PCDHGA3: variants seen among roughly 807,000 people sequenced by gnomAD.
PCDHGA3 encodes the protein protocadherin gamma subfamily A, 3, also known as protocadherin gamma-A3.
PCDHGA3 carries 40 observed loss-of-function variants against 58.5 expected under a neutral mutation model. The observed-to-expected ratio is 0.68, with a 90% CI of 0.53 to 0.89. PCDHGA3 has a LOEUF of 0.89. Ranked by LOEUF, PCDHGA3 falls within the 40% of genes least tolerant of loss-of-function variation. The pLI, the probability that PCDHGA3 is intolerant of heterozygous loss-of-function variation, is 0.00. For missense variants in PCDHGA3, 1,223 were observed against 1,195.9 expected (o/e 1.02, Z -0.33); for synonymous variants, 530 against 525.7 (o/e 1.01, Z -0.11).
chr5:141,455,149 TTA>T (rs537241375), intron 1 of PCDHGA3, among the ~76,000 whole-genome samples: 1 of 148,248 alleles, frequency 6.7e-6, no homozygotes, highest in Non-Finnish European at 1.5e-5. Context: ...TAAATAAATA[TTA>T]GTTTGTTGGT....
At chr5:141,375,970 G>C in intron 1 of PCDHGA3, 2 of 1,613,334 alleles carry the variant, frequency 1.2e-6, no homozygotes, top group Non-Finnish European at 1.7e-6. Flanking sequence ...TGCGCACGGC[G>C]CGCGCCCTGC....
chr5:141,450,278 G>C (rs977381598), intron 1 of PCDHGA3, among the ~76,000 whole-genome samples: 1 of 152,026 alleles, frequency 6.6e-6, no homozygotes, highest in African/African-American at 2.4e-5. Flanking sequence ...TCAGCTAAGT[G>C]CTGGGATTAC....
chr5:141,450,085 C>T (rs997781052), intron 1 of PCDHGA3, among the ~76,000 whole-genome samples: 3 of 149,208 alleles, frequency 2.0e-5, no homozygotes, highest in Non-Finnish European at 4.4e-5. Context: ...TGGCTCACTG[C>T]AACCTCCGCC....
chr5:141,480,077 C>T (rs767048249), intron 1 of PCDHGA3, among the ~76,000 whole-genome samples: 2 of 152,142 alleles, frequency 1.3e-5, no homozygotes, highest in Non-Finnish European at 2.9e-5. Flanking sequence ...AAGATTCATG[C>T]ATGATATAAT....
In PCDHGA3 at chr5:141,472,878, C is replaced by T. The variant is rs774209715; in HGVS notation, c.2425-21929C>T. ...GCACATGCCTGTATTCCCAGCTACT[C>T]GGGAGGCTGAGGCAGGAGAATTGCT... On this transcript the variant is annotated intron_variant, in intron 1 of 3. Transcript: ENST00000253812. 6.8e-5 allele frequency among the ~76,000 whole-genome samples: 10 copies of T among 146,132 alleles called. 1 individual carries two copies. The highest frequency in any genetic ancestry group is 4.2e-4 in the East Asian group (2 of 4,758).
chr5:141,376,399 GC>G, intron 1 of PCDHGA3: 4 of 1,614,182 alleles, frequency 2.5e-6, no homozygotes, highest in Non-Finnish European at 3.4e-6. Context: ...TTTTCCCCCA[GC>G]CCAACTATGC....
chr5:141,500,207 T>G (rs932015076), intron 2 of PCDHGA3, among the ~76,000 whole-genome samples: 2 of 150,136 alleles, frequency 1.3e-5, no homozygotes, highest in African/African-American at 4.9e-5. Context: ...TTTATTTATT[T>G]ATTTATTTAT....
At chr5:141,469,743 A>G (rs1166798506) in intron 1 of PCDHGA3, among the ~76,000 whole-genome samples, 1 of 152,252 alleles carries the variant, frequency 6.6e-6, no homozygotes, top group Non-Finnish European at 1.5e-5. Context: ...CACCTCAAAA[A>G]TTACAAAAAT....
At chr5:141,419,457 A>AGGCCCGCGACCAGGGCT in intron 1 of PCDHGA3, 2 of 1,612,728 alleles carry the variant, frequency 1.2e-6, no homozygotes, top group Non-Finnish European at 1.7e-6. Context: ...CTCACGCTGC[A>AGGCCCGCGACCAGGGCT]GGCCCGCGAC....
intron 1 of PCDHGA3, chr5:141,411,909 A>T (rs1176626028): frequency 6.6e-6 from 1 of 152,204 alleles, no homozygotes; most frequent in Non-Finnish European, 1.5e-5. Flanking sequence ...TTGCCTTTGC[A>T]CTCAGTCTCT....
intron 1 of PCDHGA3, chr5:141,374,747 C>A (rs764039295): frequency 1.9e-6 from 3 of 1,612,140 alleles, no homozygotes; most frequent in Non-Finnish European, 2.5e-6. Context: ...CGACCCTGTC[C>A]GCTCAAGCGT....
rs370284141 is a variant in PCDHGA3, at chr5:141,421,654, G to A, written c.2425-73153G>A. On this transcript the variant is annotated intron_variant, in intron 1 of 3. Coordinates refer to ENST00000253812, the MANE Select transcript of PCDHGA3 (RefSeq NM_018916.4). ...CCAGGAGGACGAAGTGGAGATAAAA[G>A]TCAGTGAGCACGCAATTCCTGGGGC... The A allele has an allele frequency of 3.5e-5, 57 of 1,613,746 alleles. No individual in the cohort carries two copies. Among genetic ancestry groups the A allele is most frequent in the Admixed American group, 5.0e-5 (3 of 59,974 alleles).
chr5:141,389,078 C>T, intron 1 of PCDHGA3: 1 of 1,614,002 alleles, frequency 6.2e-7, no homozygotes, highest in Non-Finnish European at 8.5e-7. Flanking sequence ...CTTCAAGAAA[C>T]ACGTATAAAT....
At chr5:141,383,378 C>G (rs753458256) in intron 1 of PCDHGA3, 1 of 1,614,002 alleles carries the variant, frequency 6.2e-7, no homozygotes, top group Non-Finnish European at 8.5e-7. Context: ...GCTGGGGATC[C>G]AGATGTGGGC....
At chr5:141,442,294 C>A (rs1194203452) in intron 1 of PCDHGA3, 1 of 152,584 alleles carries the variant, frequency 6.6e-6, no homozygotes, top group Admixed American at 6.5e-5. Context: ...ATGATCCTGT[C>A]TGAGTCTTTC....
chr5:141,356,194 A>C, intron 1 of PCDHGA3: 2 of 1,609,932 alleles, frequency 1.2e-6, no homozygotes, highest in Non-Finnish European at 1.7e-6. Context: ...AGCTAGAAGC[A>C]AGGTACTGGT....
chr5:141,393,792 C>T, intron 1 of PCDHGA3: 1 of 1,613,908 alleles, frequency 6.2e-7, no homozygotes, highest in Non-Finnish European at 8.5e-7. Context: ...TGTGGGGGCA[C>T]TTCTGGGGAG....
intron 2 of PCDHGA3, among the ~76,000 whole-genome samples, chr5:141,503,638 T>C (rs1467962880): frequency 1.3e-5 from 2 of 151,908 alleles, no homozygotes; most frequent in Non-Finnish European, 2.9e-5. Flanking sequence ...AAATAATTAT[T>C]GAATCAATGG....
chr5:141,400,147 C>T lies in PCDHGA3; in HGVS notation c.2424+53690C>T, dbSNP rs751998425. ...GGAGGTGCTGCCGGATATCACTGAC[C>T]GCCCTGTACCCTCTGACCCCCAGGC... On this transcript the variant is annotated intron_variant, in intron 1 of 3. Coordinates refer to ENST00000253812, the MANE Select transcript of PCDHGA3 (RefSeq NM_018916.4). 3.7e-6 allele frequency: 6 copies of T among 1,614,074 alleles called. No homozygotes were observed. In the East Asian group the frequency reaches 1.1e-4, roughly 30 times the overall value.
Sources: gnomAD v4.1 joint callset for allele counts (sites outside exome capture counted in the v4.1 genomes callset) on GRCh38, gnomAD v4.1.1 for gene constraint, MANE v1.5 for transcripts, NCBI Gene and HGNC (gene_info 2026-07-23, HGNC 2026-07-21) for gene names.